LYZL2: variants seen among roughly 807,000 people sequenced by gnomAD.
The protein encoded by LYZL2 is lysozyme like 2, also known as lysozyme-like protein 2.
In LYZL2, 13 loss-of-function variants were observed where a neutral mutation model predicts 17.1. The observed-to-expected ratio is 0.76, with a 90% confidence interval of 0.49 to 1.21. LYZL2 has a LOEUF of 1.21. Ranked by LOEUF, LYZL2 falls within the 50% of genes most tolerant of loss-of-function variation. The pLI, the probability that LYZL2 is intolerant of heterozygous loss-of-function variation, is 0.00. For synonymous variants in LYZL2, 63 were observed against 74.4 expected (o/e 0.85, Z 0.79); for missense variants, 166 against 189.2 (o/e 0.88, Z 0.72).
chr10:30,616,241 A>C (rs1270016539), intron 3 of LYZL2, among the ~76,000 whole-genome samples: 1 of 152,228 alleles, frequency 6.6e-6, no homozygotes, highest in Non-Finnish European at 1.5e-5. Context: ...ATGTGGCTTA[A>C]TTTTTATTTG....
chr10:30,611,437 T>G (rs1838431698), downstream of LYZL2, among the ~76,000 whole-genome samples: 1 of 143,226 alleles, frequency 7.0e-6, no homozygotes, highest in African/African-American at 2.6e-5. Context: ...AGGTGGAGGT[T>G]GCAGTGGGCT....
intron 1 of LYZL2, 54 bp downstream of exon 1, chr10:30,629,539 G>A: frequency 6.3e-7 from 1 of 1,590,420 alleles, no homozygotes; most frequent in South Asian, 1.1e-5. Flanking sequence ...TCAAGAACCT[G>A]CCATTGCTGG....
At position 30,626,207 on chromosome 10, in the gene LYZL2, C is replaced by A; in HGVS notation, c.196G>T (p.Asp66Tyr). 1.2e-6 allele frequency: 2 copies of A among 1,614,264 alleles called. No homozygotes were observed. The highest frequency in any genetic ancestry group is 1.1e-5 in the South Asian group (1 of 91,092). The change falls in exon 3 of 5, where the codon GAT (aspartate) becomes TAT (tyrosine). Residue 66 changes from aspartate (D) to tyrosine (Y), a missense_variant. Asp to Tyr is a radical substitution (Grantham distance 160). This residue lies in a region of LYZL2 where 134 missense variants were observed against 129.4 expected (regional missense o/e 1.04). Transcript: ENST00000647634. ...GYNTTAQTVL[D>Y]DGSIDYGIFQ... ...ATGCCGTAGTCGATGCTGCCGTCAT[C>A]CAGGACCGTCTGGGCTGTGGTGTTG...
At chr10:30,619,661 A>G (rs2132943376) in intron 3 of LYZL2, among the ~76,000 whole-genome samples, 1 of 130,732 alleles carries the variant, frequency 7.6e-6, no homozygotes, top group East Asian at 2.6e-4. Flanking sequence ...GGAACATCAC[A>G]CACCGGGGAC....
At chr10:30,610,919 G>A (rs148992264), downstream of LYZL2, among the ~76,000 whole-genome samples, 24 of 152,198 alleles carry the variant, frequency 1.6e-4, no homozygotes, top group African/African-American at 5.1e-4. Context: ...CATCTCTTGC[G>A]TGCGTGTAGG....
At chr10:30,610,729 C>G (rs1055766619), downstream of LYZL2, among the ~76,000 whole-genome samples, 1 of 151,940 alleles carries the variant, frequency 6.6e-6, no homozygotes, top group African/African-American at 2.4e-5. Flanking sequence ...CACTGTGCCT[C>G]ACTGGAAGTC....
At chr10:30,613,416 G>A (rs2814636) in intron 3 of LYZL2, among the ~76,000 whole-genome samples, 74,633 of 151,020 alleles carry the variant, frequency 0.49, 19,168 homozygotes, top group Middle Eastern at 0.56. Flanking sequence ...AGAATCACTT[G>A]AGCCCAGGAG....
downstream of LYZL2, among the ~76,000 whole-genome samples, chr10:30,609,816 G>A (rs1838412188): frequency 6.6e-6 from 1 of 152,134 alleles, no homozygotes; most frequent in Non-Finnish European, 1.5e-5. Flanking sequence ...ATTTCTGAAG[G>A]CATTAATTAT....
Position 30,629,047 on chromosome 10 carries a change from G to A in LYZL2, c.-26+546C>T, listed in dbSNP as rs557648599. On this transcript the variant is annotated intron_variant, in intron 1 of 4. Coordinates refer to ENST00000647634, the MANE Select transcript of LYZL2 (RefSeq NM_183058.3). The stretch of plus-strand genomic sequence containing the variant: ...CTTTTCAGAGAGATCATGCCAGTCC[G>A]TGGTGTACAGCATTGTGCTAAGCTG... Among the ~76,000 whole-genome samples the A allele has an allele frequency of 9.8e-5, 15 of 152,306 alleles. No homozygotes were observed. The South Asian group carries it at 1.4e-3, about 15-fold the overall frequency.
chr10:30,607,798 T>A (rs777002198), downstream of LYZL2, among the ~76,000 whole-genome samples: 13 of 152,064 alleles, frequency 8.5e-5, no homozygotes, highest in Non-Finnish European at 1.8e-4. Flanking sequence ...CCCTTAGACA[T>A]CATTGCGTGT....
chr10:30,619,945 C>A (rs1838594092), intron 3 of LYZL2, among the ~76,000 whole-genome samples: 1 of 151,956 alleles, frequency 6.6e-6, no homozygotes, highest in African/African-American at 2.4e-5. Flanking sequence ...CAAAAATCTG[C>A]AAAAAGGAAA....
intron 3 of LYZL2, 110 bp downstream of exon 3, chr10:30,625,995 T>C (rs1361141398): frequency 6.7e-7 from 1 of 1,498,456 alleles, no homozygotes; most frequent in Admixed American, 2.1e-5. Context: ...CAGACCTATT[T>C]GCAAGTCTGA....
chr10:30,628,644 T>C (rs1420451635), intron 1 of LYZL2, among the ~76,000 whole-genome samples: 3 of 152,202 alleles, frequency 2.0e-5, no homozygotes, highest in Non-Finnish European at 4.4e-5. Flanking sequence ...CCCGTGTCAT[T>C]TTCTGCACTT....
At position 30,629,703 on chromosome 10, in the gene LYZL2, C is replaced by T. The variant is rs1368912806; in HGVS notation, c.-136G>A. 1.2e-6 allele frequency: 2 copies of T among 1,611,000 alleles called. No individual in the cohort carries two copies. The highest frequency in any genetic ancestry group is 1.7e-6 in the Non-Finnish European group (2 of 1,177,656). ...ACAGGCAGCTCAGGGGAGCGTCCTG[C>T]ATCCCCTGAAGCCATGTCTGATTCT... On this transcript the variant is annotated 5_prime_UTR_variant, in exon 1 of 5. An upstream start codon of the reference 5' UTR is lost. Transcript: ENST00000647634.
intron 3 of LYZL2, among the ~76,000 whole-genome samples, chr10:30,618,831 C>A (rs1477792385): frequency 6.6e-6 from 1 of 152,176 alleles, no homozygotes; most frequent in Non-Finnish European, 1.5e-5. Flanking sequence ...CAAATGGGAT[C>A]TAATTAAACT....
At chr10:30,612,711 T>C (rs1228346816) in intron 4 of LYZL2, 111 bp downstream of exon 4, 17 of 751,162 alleles carry the variant, frequency 2.3e-5, no homozygotes, top group Admixed American at 1.3e-4. Flanking sequence ...CTCCTTCCAT[T>C]GGTTGGACCA....
chr10:30,619,226 G>A (rs1300107716), intron 3 of LYZL2, among the ~76,000 whole-genome samples: 7 of 152,182 alleles, frequency 4.6e-5, no homozygotes, highest in Admixed American at 4.6e-4. Flanking sequence ...TACACTGTTG[G>A]TGGGACTGTA....
At chr10:30,618,583 C>T (rs1457956668) in intron 3 of LYZL2, among the ~76,000 whole-genome samples, 1 of 152,198 alleles carries the variant, frequency 6.6e-6, no homozygotes. Flanking sequence ...GGAAAGAATT[C>T]TCTATTTAAT....
intron 3 of LYZL2, among the ~76,000 whole-genome samples, chr10:30,618,477 G>C (rs1225377054): frequency 6.6e-6 from 1 of 152,120 alleles, no homozygotes; most frequent in Non-Finnish European, 1.5e-5. Context: ...CCAAAACAGA[G>C]ATATAGATCA....
Sources: gnomAD v4.1 joint callset for allele counts (sites outside exome capture counted in the v4.1 genomes callset) on GRCh38, gnomAD v4.1.1 for gene constraint, gnomAD v4.1.1 regional missense constraint, MANE v1.5 for transcripts, NCBI Gene and HGNC (gene_info 2026-07-23, HGNC 2026-07-21) for gene names.